Variants in SPATA1 observed in about 807,000 individuals in gnomAD.
SPATA1 encodes the protein spermatogenesis associated 1, also known as spermatogenesis-associated protein 1.
In SPATA1, 57 loss-of-function variants were observed where a neutral mutation model predicts 59.6. The ratio of observed to expected loss-of-function variants is 0.96; its 90% CI spans 0.77 to 1.19. The LOEUF is 1.19. Ranked by LOEUF, SPATA1 falls within the 50% of genes most tolerant of loss-of-function variation. SPATA1 has a pLI of 0.00. For missense variants in SPATA1, 448 were observed against 480.7 expected (o/e 0.93, Z 0.64); for synonymous variants, 147 against 163.9 (o/e 0.90, Z 0.79).
At chr1:84,547,266 A>G (rs1324563625) in intron 10 of SPATA1, among the ~76,000 whole-genome samples, 1 of 152,192 alleles carries the variant, frequency 6.6e-6, no homozygotes, top group Non-Finnish European at 1.5e-5. Context: ...TAGACAAGTT[A>G]CTTCCCCTCT....
intron 10 of SPATA1, among the ~76,000 whole-genome samples, chr1:84,546,433 G>A (rs1285263125): frequency 7.2e-6 from 1 of 138,536 alleles, no homozygotes; most frequent in Non-Finnish European, 1.5e-5. Flanking sequence ...ACTCCAGCAT[G>A]GGTGACAAAG....
chr1:84,529,016 C>A (rs951203807), intron 6 of SPATA1, among the ~76,000 whole-genome samples: 7 of 151,924 alleles, frequency 4.6e-5, no homozygotes, highest in Admixed American at 1.3e-4. Context: ...TATATTTTTT[C>A]ATATATATAT....
At chr1:84,517,659 T>G (rs534442306) in intron 2 of SPATA1, among the ~76,000 whole-genome samples, 41 of 152,206 alleles carry the variant, frequency 2.7e-4, no homozygotes, top group African/African-American at 9.6e-4. Flanking sequence ...TACTTGAGTC[T>G]TCTACTTGAC....
chr1:84,550,458 G>T, exon 12 of SPATA1: 1 of 1,560,464 alleles, frequency 6.4e-7, no homozygotes, highest in East Asian at 2.3e-5. Flanking sequence ...AGATCACTGA[G>T]GTACAGCATG....
intron 12 of SPATA1, chr1:84,551,484 A>G (rs1684270603): frequency 5.9e-6 from 1 of 169,848 alleles, no homozygotes; most frequent in South Asian, 1.9e-4. Context: ...CTAGCCACCT[A>G]TTGATATTGA....
chr1:84,560,399 A>G (rs1684569066), intron 4 of SPATA1, among the ~76,000 whole-genome samples: 1 of 152,206 alleles, frequency 6.6e-6, no homozygotes, highest in South Asian at 2.1e-4. Context: ...TTTCCCACTC[A>G]GTCTGTTTGC....
At chr1:84,522,364 T>C (rs1337133455) in intron 3 of SPATA1, 26 bp from the exon 4 acceptor site, 1 of 1,321,588 alleles carries the variant, frequency 7.6e-7, no homozygotes, top group South Asian at 1.8e-5. Flanking sequence ...CATTTTATAT[T>C]ATAAGGCAAT....
At chr1:84,551,228 A>C in intron 12 of SPATA1, 1 of 985,184 alleles carries the variant, frequency 1.0e-6, no homozygotes, top group Non-Finnish European at 1.2e-6. Context: ...TGAGAACGAT[A>C]ATTATATGAA....
intron 6 of SPATA1, among the ~76,000 whole-genome samples, chr1:84,528,889 T>C (rs968772987): frequency 1.3e-5 from 2 of 152,180 alleles, no homozygotes; most frequent in African/African-American, 4.8e-5. Flanking sequence ...CTCCACATTT[T>C]GGAAAAAATA....
At chr1:84,527,161 A>G (rs1046273312) in intron 6 of SPATA1, among the ~76,000 whole-genome samples, 2 of 152,148 alleles carry the variant, frequency 1.3e-5, no homozygotes, top group African/African-American at 4.8e-5. Context: ...ACTATATTCT[A>G]CAGCTTTAAT....
chr1:84,551,346 T>C (rs1370538549), intron 12 of SPATA1: 2 of 859,022 alleles, frequency 2.3e-6, no homozygotes, highest in East Asian at 1.2e-4. Context: ...AAATCAGTAC[T>C]GTCCTCGGTT....
chr1:84,513,327 G>T (rs1176509216), intron 1 of SPATA1, among the ~76,000 whole-genome samples: 1 of 152,194 alleles, frequency 6.6e-6, no homozygotes, highest in Non-Finnish European at 1.5e-5. Flanking sequence ...TAGAGATGGG[G>T]TTTCTCCATG....
intron 2 of SPATA1, among the ~76,000 whole-genome samples, chr1:84,516,597 C>G (rs1682804818): frequency 6.6e-6 from 1 of 152,136 alleles, no homozygotes; most frequent in Non-Finnish European, 1.5e-5. Context: ...TTGGGATCCC[C>G]AATGCATTGA....
At position 84,533,894 on chromosome 1, in the gene SPATA1, C is replaced by A. The variant is rs893727514; in HGVS notation, c.717+128C>A. The A allele has an allele frequency of 7.1e-6, 4 of 561,886 alleles. No homozygotes were observed. The Admixed American group carries it at 1.1e-4, about 16-fold the overall frequency. The allele number at this position is 561,886 out of a possible 1,614,324, so 34.8% of individuals were successfully genotyped here. ...AACATACTTCTAATATCAATATAATCAATAGTAGTCCAATTTTTCTGTTTT... is the reference window on the plus strand; with the variant it reads ...AACATACTTCTAATATCAATATAATAAATAGTAGTCCAATTTTTCTGTTTT... On this transcript the variant is annotated intron_variant, in intron 8 of 12. Transcript: ENST00000490879.
chr1:84,522,514 T>G lies in SPATA1; in HGVS notation c.261+7T>G. On this transcript the variant is annotated splice_region_variant and intron_variant, in intron 4 of 12. Coordinates refer to ENST00000490879, the Ensembl canonical transcript of SPATA1. The stretch of plus-strand genomic sequence containing the variant: ...TGGAAATAATTTAGCTGTGGTAAGT[T>G]TTCTTTTTTTTTCTTTCTGATTGAG... 7.0e-7 allele frequency: 1 copy of G among 1,432,614 alleles called. No homozygotes were observed. The highest frequency in any genetic ancestry group is 9.4e-7 in the Non-Finnish European group (1 of 1,059,946). The allele number at this position is 1,432,614 out of a possible 1,614,324, so 88.7% of individuals were successfully genotyped here. A position where few individuals can be genotyped will look rare whatever the true frequency, so the allele number is the denominator to read the frequency against.
At chr1:84,508,431 A>G (rs1682379361) in intron 1 of SPATA1, among the ~76,000 whole-genome samples, 1 of 152,220 alleles carries the variant, frequency 6.6e-6, no homozygotes, top group Non-Finnish European at 1.5e-5. Context: ...AGACATTTCA[A>G]ACATGTTACC....
chr1:84,508,676 A>G (rs1682392439), intron 1 of SPATA1, among the ~76,000 whole-genome samples: 1 of 152,266 alleles, frequency 6.6e-6, no homozygotes, highest in Non-Finnish European at 1.5e-5. Flanking sequence ...TGAATAAATA[A>G]GAGTCACATG....
At chr1:84,516,317 C>T (rs1455163634) in exon 2 of SPATA1, 2 of 1,481,754 alleles carry the variant, frequency 1.3e-6, no homozygotes, top group Non-Finnish European at 1.8e-6. Context: ...AAAAAAGAAA[C>T]AAAATTCCAA....
intron 2 of SPATA1, among the ~76,000 whole-genome samples, chr1:84,517,969 AC>A (rs199947106): frequency 0.061 from 9,304 of 152,070 alleles, 383 homozygotes; most frequent in African/African-American, 0.11. Context: ...AATACAGGAC[AC>A]CACTTATGAA....
Sources: allele counts gnomAD v4.1 joint callset (sites outside exome capture counted in the v4.1 genomes callset), GRCh38; gene constraint gnomAD v4.1.1; transcripts MANE v1.5; gene names NCBI Gene and HGNC (gene_info 2026-07-23, HGNC 2026-07-21).